Variants in NUP210 observed in about 807,000 individuals in gnomAD.
NUP210 encodes the protein nucleoporin 210.
Under a neutral mutation model 196.0 loss-of-function variants are expected in NUP210, and 151 were observed. The ratio of observed to expected loss-of-function variants is 0.77; its 90% CI spans 0.67 to 0.88. The LOEUF is 0.88. Ranked by LOEUF, NUP210 falls within the 40% of genes least tolerant of loss-of-function variation. The probability of loss-of-function intolerance (pLI) is 0.00; values close to 1 mark genes in which losing one functional copy is unlikely to be tolerated. For synonymous variants in NUP210, 1,070 were observed against 1,052.7 expected (o/e 1.02, Z -0.32); for missense variants, 2,314 against 2,493.7 (o/e 0.93, Z 1.53).
At chr3:13,377,855 C>G (rs1398819553) in intron 8 of NUP210, among the ~76,000 whole-genome samples, 2 of 151,026 alleles carry the variant, frequency 1.3e-5, no homozygotes, top group Non-Finnish European at 3.0e-5. Context: ...GGCCCCACAC[C>G]ACCCACCTGC....
intron 11 of NUP210, among the ~76,000 whole-genome samples, chr3:13,375,142 C>CTTTTTTTTTTTTT (rs76945178): frequency 1.4e-5 from 2 of 138,430 alleles, no homozygotes; most frequent in Non-Finnish European, 3.1e-5. Context: ...TATTTTTTCT[C>CTTTTTTTTTTTTT]TTTTTTTTTT....
At chr3:13,371,813 T>C in intron 13 of NUP210, 21 bp downstream of exon 13, 1 of 1,586,534 alleles carries the variant, frequency 6.3e-7, no homozygotes, top group Non-Finnish European at 8.6e-7. Context: ...ATCTGGCACC[T>C]GCTCAGCAGC....
In NUP210 at chr3:13,348,316, G is replaced by A. The variant is rs887824554; in HGVS notation, c.2835+3563C>T. The A allele has an allele frequency of 3.2e-6, 3 of 927,698 alleles. No individual in the cohort carries two copies. Among genetic ancestry groups the A allele is most frequent in the African/African-American group, 1.8e-5 (1 of 56,118 alleles). The allele number at this position is 927,698 out of a possible 1,614,324, so 57.5% of individuals were successfully genotyped here. On this transcript the variant is annotated intron_variant, in intron 20 of 39. Transcript: ENST00000254508. This position sits in a 1 kb window ranked among gnomAD's most constrained non-coding sequence, Gnocchi z 4.0. ...GCTCACTACCTACAGCGGCAGCCTAGTCCATCACCGACCTCTAGGAACTCT... is the reference window on the plus strand; with the variant it reads ...GCTCACTACCTACAGCGGCAGCCTAATCCATCACCGACCTCTAGGAACTCT...
chr3:13,335,403 A>T, intron 28 of NUP210, 51 bp downstream of exon 28: 1 of 1,581,370 alleles, frequency 6.3e-7, no homozygotes, highest in Non-Finnish European at 8.7e-7. Flanking sequence ...AAGATTGGGC[A>T]GCTGGCACTT....
rs1332809408 is a variant in NUP210 at position 13,360,273 on chromosome 3, C to T, written c.2151G>A (p.Glu717=). 6.2e-7 allele frequency: 1 copy of T among 1,613,884 alleles called. No homozygotes were observed. Among genetic ancestry groups the T allele is most frequent in the East Asian group, 2.2e-5 (1 of 44,884 alleles). Residue 717 remains glutamate (E), a synonymous_variant, in exon 15 of 40, where the codon GAG becomes GAA. Transcript: ENST00000254508. The part of the protein sequence containing the change: ...WILVTCQALG[E]QVIALSVGNK... Reference sequence around the variant, plus strand: ...TCTGGAGCAGCTGCCCACTCACCTGCTCACCCAAGGCCTGACAGGTCACAA... The same window carrying T: ...TCTGGAGCAGCTGCCCACTCACCTGTTCACCCAAGGCCTGACAGGTCACAA...
At chr3:13,343,429 T>C (rs1225661306) in intron 20 of NUP210, 126 bp from the exon 21 acceptor site, 23 of 1,239,456 alleles carry the variant, frequency 1.9e-5, no homozygotes, top group Non-Finnish European at 2.6e-5. Flanking sequence ...GGGATGCCAG[T>C]GGCAGAGCCC....
intron 1 of NUP210, among the ~76,000 whole-genome samples, chr3:13,403,152 T>G (rs554736822): frequency 4.6e-5 from 7 of 152,370 alleles, no homozygotes; most frequent in Admixed American, 3.3e-4. Flanking sequence ...CATGTAGTAC[T>G]GGCTGCATTT....
At chr3:13,343,128 TTCCTGCAGG>T (rs1697581048) in intron 21 of NUP210, 38 bp downstream of exon 21, 1 of 1,608,316 alleles carries the variant, frequency 6.2e-7, no homozygotes, top group African/African-American at 1.3e-5. Flanking sequence ...TCCCTCCCAG[TTCCTGCAGG>T]TCAGCCGAGG....
rs774353766 is a variant in NUP210 at position 13,397,471 on chromosome 3, G to A, written c.322C>T (p.Arg108Cys). ...ATGAGGTCCACAATGGCATCACAGC[G>A]CAGGACCTGGCCTGTGGCTGGAGGA... ...AEDITTGQVL[R>C]CDAIVDLIHD... The change falls in exon 3 of 40, where the codon CGC becomes TGC. Residue 108 changes from arginine (R) to cysteine (C), a missense_variant. Transcript: ENST00000254508. 2.2e-5 allele frequency: 36 copies of A among 1,607,590 alleles called. No homozygotes were observed. The highest frequency in any genetic ancestry group is 2.0e-4 in the South Asian group (18 of 90,270).
At chr3:13,407,716 A>G (rs1401991779) in intron 1 of NUP210, among the ~76,000 whole-genome samples, 1 of 151,990 alleles carries the variant, frequency 6.6e-6, no homozygotes, top group Non-Finnish European at 1.5e-5. Flanking sequence ...GACTGTCCCT[A>G]TCTGCAACAC....
intron 8 of NUP210, among the ~76,000 whole-genome samples, chr3:13,378,676 C>G (rs1037104617): frequency 6.6e-6 from 1 of 152,188 alleles, no homozygotes; most frequent in Non-Finnish European, 1.5e-5. Flanking sequence ...CCACTCTACC[C>G]GGTTCTGTTT....
chr3:13,400,371 C>T (rs1434045033), intron 1 of NUP210, among the ~76,000 whole-genome samples: 1 of 152,194 alleles, frequency 6.6e-6, no homozygotes, highest in Non-Finnish European at 1.5e-5. Context: ...ATAAACACAA[C>T]CATGAGCTCC....
chr3:13,339,836 C>G lies in NUP210; in HGVS notation c.3471+18G>C. On this transcript the variant is annotated intron_variant, in intron 25 of 39. Transcript: ENST00000254508. ...GTCCCAGGCACAGCTGCCCAGTCTC[C>G]AATAGCACGCCTGTTACCTGAGAGA... is the stretch of plus-strand genomic sequence containing the variant. The G allele has an allele frequency of 1.2e-6, 2 of 1,602,284 alleles. No individual in the cohort carries two copies. The highest frequency in any genetic ancestry group is 1.7e-6 in the Non-Finnish European group (2 of 1,171,646).
At chr3:13,335,377 C>T (rs1697168557) in intron 28 of NUP210, 77 bp downstream of exon 28, 3 of 1,527,624 alleles carry the variant, frequency 2.0e-6, no homozygotes, top group Non-Finnish European at 2.7e-6. Context: ...GCCCATGCAA[C>T]ATGTGGCCCC....
At chr3:13,357,853 A>G (rs1270017847) in intron 16 of NUP210, among the ~76,000 whole-genome samples, 1 of 152,178 alleles carries the variant, frequency 6.6e-6, no homozygotes, top group East Asian at 1.9e-4. Context: ...CTCTGACCCT[A>G]CATACCCTGT....
At chr3:13,345,193 A>T in intron 20 of NUP210, 1 of 985,478 alleles carries the variant, frequency 1.0e-6, no homozygotes, top group Non-Finnish European at 1.2e-6. Flanking sequence ...TCAGCTTTAC[A>T]GAGTAAAACC....
chr3:13,323,302 T>C lies in NUP210; in HGVS notation c.4768+7A>G, dbSNP rs1696612386. 6.2e-7 allele frequency: 1 copy of C among 1,613,986 alleles called. No individual in the cohort carries two copies. Among genetic ancestry groups the C allele is most frequent in the African/African-American group, 1.3e-5 (1 of 75,028 alleles). The stretch of plus-strand genomic sequence containing the variant: ...TCTGAAGACAGCCCAAGCCCCTCAT[T>C]AAGTACCTCTCAGGTTAGAGCTTCT... On this transcript the variant is annotated splice_region_variant and intron_variant, in intron 34 of 39. Transcript: ENST00000254508. The surrounding 1 kb of genome is among the most constrained non-coding windows in gnomAD (Gnocchi z 4.3).
At chr3:13,391,532 T>C (rs923772251) in intron 3 of NUP210, among the ~76,000 whole-genome samples, 1 of 151,336 alleles carries the variant, frequency 6.6e-6, no homozygotes, top group Non-Finnish European at 1.5e-5. Context: ...AATTTGAACC[T>C]AGGGCTGTCC....
At chr3:13,381,281 T>C (rs1219822159) in intron 6 of NUP210, among the ~76,000 whole-genome samples, 2 of 152,204 alleles carry the variant, frequency 1.3e-5, no homozygotes, top group Non-Finnish European at 2.9e-5. Context: ...AAGGCCCTTT[T>C]GGGAAATGAA....
Sources: gnomAD v4.1 joint callset for allele counts (sites outside exome capture counted in the v4.1 genomes callset) on GRCh38, gnomAD v4.1.1 for gene constraint, Gnocchi (gnomAD v3.1) non-coding constraint, MANE v1.5 for transcripts, NCBI Gene and HGNC (gene_info 2026-07-23, HGNC 2026-07-21) for gene names.